ADPRS: variants seen among roughly 807,000 people sequenced by gnomAD.
ADPRS encodes the protein ADP-ribosylserine hydrolase, also known as ADP-ribosylhydrolase ARH3.
Under a neutral mutation model 32.1 loss-of-function variants are expected in ADPRS, and 25 were observed. The ratio of observed to expected loss-of-function variants is 0.78; its 90% CI spans 0.57 to 1.09. The LOEUF is 1.09. Among genes scored for constraint, ADPRS ranks in the 50% least tolerant of loss-of-function variants. ADPRS has a pLI of 0.00. For synonymous variants in ADPRS, 225 were observed against 201.0 expected, an observed-to-expected ratio of 1.12 and a Z score of -1.01; for missense variants, 482 against 480.6, an observed-to-expected ratio of 1.00 and a Z score of -0.03.
chr1:36,088,901 G>A lies in ADPRS; in HGVS notation c.-4G>A, dbSNP rs1643436496. ...ACCGGAAGTGGCGAGCAGTCTGCGCGCGGATGGCCGCAGCGGCGATGGCGG... is the reference window on the plus strand; with the variant it reads ...ACCGGAAGTGGCGAGCAGTCTGCGCACGGATGGCCGCAGCGGCGATGGCGG... On this transcript the variant is annotated 5_prime_UTR_variant, in exon 1 of 6. Coordinates refer to ENST00000373178, the MANE Select transcript of ADPRS (RefSeq NM_017825.3). 6.6e-7 allele frequency: 1 copy of A among 1,526,288 alleles called. No individual in the cohort carries two copies. The highest frequency in any genetic ancestry group is 8.8e-7 in the Non-Finnish European group (1 of 1,142,462). The allele number at this position is 1,526,288 out of a possible 1,614,324, so 94.5% of individuals were successfully genotyped here. A position where few individuals can be genotyped will look rare whatever the true frequency, so the allele number is the denominator to read the frequency against.
intron 2 of ADPRS, 112 bp downstream of exon 2, chr1:36,091,452 TG>T: frequency 2.4e-6 from 3 of 1,250,594 alleles, no homozygotes; most frequent in South Asian, 2.6e-5. Context: ...CACAGAAGCC[TG>T]TGTCAGGCTG....
Position 36,091,338 on chromosome 1 carries a change from C to G in ADPRS, c.306C>G (p.His102Gln). ...KEAFDEVDMA[H>Q]RFAQEYKKDP... ...CCTTTGACGAGGTGGACATGGCTCA[C>G]AGGTGAGGGGGATGGTCCTGGGCTG... The change falls in exon 2 of 6, where the codon CAC becomes CAG. Residue 102 changes from histidine (H) to glutamine (Q), a missense_variant and splice_region_variant. Transcript: ENST00000373178. The G allele has an allele frequency of 6.2e-7, 1 of 1,614,006 alleles. No homozygotes were observed. The highest frequency in any genetic ancestry group is 8.5e-7 in the Non-Finnish European group (1 of 1,179,932).
At position 36,091,755 on chromosome 1, in the gene ADPRS, A is replaced by G. The variant is rs760819723; in HGVS notation, c.446A>G (p.Tyr149Cys). The change falls in exon 3 of 6, where the codon TAT (tyrosine) becomes TGT (cysteine). Residue 149 changes from tyrosine (Y) to cysteine (C), a missense_variant. Tyr to Cys is a radical substitution (Grantham distance 194). Coordinates refer to ENST00000373178, the MANE Select transcript of ADPRS (RefSeq NM_017825.3). Reference sequence around the variant, plus strand: ...GCCCAGTTTAACGGGAAAGGCTCCTATGGCAATGGAGGTGCCATGCGGGTG... The same window carrying G: ...GCCCAGTTTAACGGGAAAGGCTCCTGTGGCAATGGAGGTGCCATGCGGGTG... ...ARAQFNGKGS[Y>C]GNGGAMRVAG... 15 of 1,613,214 alleles carry G rather than the reference A, an allele frequency of 9.3e-6. No homozygotes were observed. In the East Asian group the frequency reaches 2.9e-4, roughly 31 times the overall value.
Position 36,089,120 on chromosome 1 carries a change from G to T in ADPRS, c.211+5G>T. 7.1e-7 allele frequency: 1 copy of T among 1,408,924 alleles called. No individual in the cohort carries two copies. Among genetic ancestry groups the T allele is most frequent in the East Asian group, 2.9e-5 (1 of 34,158 alleles). 87.3% of individuals were successfully genotyped at this position (1,408,924 alleles called of 1,614,324 possible). ...CGCCCGGGAGTGAGCGGACAGGTGG[G>T]CGGGGCCGGGCGCAAGTCAGAGGCC... On this transcript the variant is annotated splice_donor_5th_base_variant and intron_variant, in intron 1 of 5. Transcript: ENST00000373178.
chr1:36,091,732 C>G lies in ADPRS; in HGVS notation c.423C>G (p.Ala141=), dbSNP rs374761609. The change falls in exon 3 of 6, where the codon GCC becomes GCG. Residue 141 remains alanine (A), a synonymous_variant. Coordinates refer to ENST00000373178, the MANE Select transcript of ADPRS (RefSeq NM_017825.3). The part of the protein sequence containing the change: ...KCRDVFEPAR[A]QFNGKGSYGN... The stretch of plus-strand genomic sequence containing the variant: ...GCGATGTCTTTGAGCCTGCCCGGGC[C>G]CAGTTTAACGGGAAAGGCTCCTATG... 8 of 1,613,616 alleles carry G rather than the reference C, an allele frequency of 5.0e-6. No homozygotes were observed. Among genetic ancestry groups the G allele is most frequent in the Non-Finnish European group, 6.8e-6 (8 of 1,179,860 alleles).
intron 5 of ADPRS, among the ~76,000 whole-genome samples, 165 bp downstream of exon 5, chr1:36,092,687 A>G (rs1474358602): frequency 6.6e-6 from 1 of 152,246 alleles, no homozygotes; most frequent in African/African-American, 2.4e-5. Context: ...CTGAAGCTAC[A>G]GCACCCTCAG....
Position 36,091,793 on chromosome 1 carries a change from C to G in ADPRS, c.484C>G (p.Leu162Val). Residue 162 changes from leucine (L) to valine (V), a missense_variant, in exon 3 of 6, where the codon CTG becomes GTG. Leu to Val is a conservative substitution (Grantham distance 32). Transcript: ENST00000373178. ...GGAMRVAGIS[L>V]AYSSVQDVQK... Reference sequence around the variant, plus strand: ...TGCCATGCGGGTGGCTGGCATCTCCCTGGCCTATAGCAGTGTCCAGGATGT... The same window carrying G: ...TGCCATGCGGGTGGCTGGCATCTCCGTGGCCTATAGCAGTGTCCAGGATGT... 6.2e-7 allele frequency: 1 copy of G among 1,609,444 alleles called. No individual in the cohort carries two copies.
intron 1 of ADPRS, among the ~76,000 whole-genome samples, chr1:36,090,679 CAAAAAAAA>C (rs10625386): frequency 0.093 from 6,083 of 65,424 alleles, 397 homozygotes; most frequent in African/African-American, 0.29. Flanking sequence ...TCCATCTCTA[CAAAAAAAA>C]AAAAAAAAAA....
rs1643517610 is a variant in ADPRS, at chr1:36,093,656, T to C, written c.*270T>C. 4.4e-6 allele frequency: 2 copies of C among 454,304 alleles called. No individual in the cohort carries two copies. Among genetic ancestry groups the C allele is most frequent in the African/African-American group, 1.9e-5 (1 of 51,972 alleles). The allele number at this position is 454,304 out of a possible 1,614,324, so 28.1% of individuals were successfully genotyped here. ...TAGGACAGACAGACGCAGGCGGGTTTATTTTGGAGGGGTACTTGTGGCATT... is the reference window on the plus strand; with the variant it reads ...TAGGACAGACAGACGCAGGCGGGTTCATTTTGGAGGGGTACTTGTGGCATT... On this transcript the variant is annotated 3_prime_UTR_variant, in exon 6 of 6. Coordinates refer to ENST00000373178, the MANE Select transcript of ADPRS (RefSeq NM_017825.3).
At chr1:36,090,000 G>C (rs1426057630) in intron 1 of ADPRS, among the ~76,000 whole-genome samples, 1 of 152,078 alleles carries the variant, frequency 6.6e-6, no homozygotes, top group Non-Finnish European at 1.5e-5. Context: ...GTAATTAAGA[G>C]GGAGGGAGGG....
chr1:36,091,154 G>A, intron 1 of ADPRS, 90 bp from the exon 2 acceptor site: 4 of 1,025,400 alleles, frequency 3.9e-6, no homozygotes, highest in South Asian at 1.4e-5. Flanking sequence ...GGGCAACAGA[G>A]CGAGACTCTG....
Position 36,091,349 on chromosome 1 carries a change from G to A in ADPRS, c.308+9G>A. The A allele has an allele frequency of 6.2e-7, 1 of 1,613,730 alleles. No individual in the cohort carries two copies. The highest frequency in any genetic ancestry group is 1.3e-5 in the African/African-American group (1 of 75,030). ...GTGGACATGGCTCACAGGTGAGGGG[G>A]ATGGTCCTGGGCTGAGGCAAACCAG... On this transcript the variant is annotated intron_variant, in intron 2 of 5. Coordinates refer to ENST00000373178, the MANE Select transcript of ADPRS (RefSeq NM_017825.3).
chr1:36,089,109 C>G lies in ADPRS; in HGVS notation c.205C>G (p.Arg69Gly). ...GGACCCCGGCACGCCCGGGAGTGAG[C>G]GGACAGGTGGGCGGGGCCGGGCGCA... ...EPDPGTPGSE[R>G]TEALYYTDDT... is the part of the protein sequence containing the mutation. The change falls in exon 1 of 6, where the codon CGG becomes GGG. Residue 69 changes from arginine (R) to glycine (G), a missense_variant. By Grantham distance (125) the Arg-to-Gly change is moderately radical. Transcript: ENST00000373178. 7.1e-7 allele frequency: 1 copy of G among 1,417,278 alleles called. No individual in the cohort carries two copies. The highest frequency in any genetic ancestry group is 9.2e-7 in the Non-Finnish European group (1 of 1,087,086). 87.8% of individuals were successfully genotyped at this position (1,417,278 alleles called of 1,614,324 possible).
chr1:36,092,976 G>T (rs1233871910), intron 5 of ADPRS, 121 bp from the exon 6 acceptor site: 1 of 1,024,666 alleles, frequency 9.8e-7, no homozygotes, highest in African/African-American at 1.6e-5. Flanking sequence ...GAGCCCAGGT[G>T]GTCTAACTGT....
chr1:36,091,213 G>C, intron 1 of ADPRS, 31 bp from the exon 2 acceptor site: 1 of 1,586,864 alleles, frequency 6.3e-7, no homozygotes. Flanking sequence ...AGGTGAGCAG[G>C]AGGCTCTCAT....
chr1:36,091,611 TC>T lies in ADPRS; in HGVS notation c.309-4del. The T allele has an allele frequency of 6.3e-7, 1 of 1,578,744 alleles. No individual in the cohort carries two copies. The highest frequency in any genetic ancestry group is 8.6e-7 in the Non-Finnish European group (1 of 1,160,340). ...ATCTGAATTCTGTCTCCCCTTCTGT[TC>T]CCTAGATTTGCTCAGGAGTACAAGA... is the stretch of plus-strand genomic sequence containing the variant. On this transcript the variant is annotated splice_polypyrimidine_tract_variant and splice_region_variant and intron_variant, in intron 2 of 5. Coordinates refer to ENST00000373178, the MANE Select transcript of ADPRS (RefSeq NM_017825.3).
rs1272671645 is a variant in ADPRS, at chr1:36,093,883, A to C, written c.*497A>C. On this transcript the variant is annotated 3_prime_UTR_variant, in exon 6 of 6. Transcript: ENST00000373178. ...CTGGCTCTTGGCTGCCATGTGGCTT[A>C]TTAACAGCTTCCAGTGGAAGTCGCA... The C allele has an allele frequency of 6.2e-6, 1 of 160,322 alleles. No homozygotes were observed. The highest frequency in any genetic ancestry group is 2.4e-5 in the African/African-American group (1 of 41,606). The allele number at this position is 160,322 out of a possible 1,614,324, so 9.9% of individuals were successfully genotyped here.
Position 36,092,440 on chromosome 1 carries a change from T to C in ADPRS, c.720T>C (p.Arg240=), listed in dbSNP as rs2124056613. 6.2e-7 allele frequency: 1 copy of C among 1,614,102 alleles called. No individual in the cohort carries two copies. Among genetic ancestry groups the C allele is most frequent in the South Asian group, 1.1e-5 (1 of 91,080 alleles). The change falls in exon 5 of 6, where the codon CGT becomes CGC. Residue 240 remains arginine, a synonymous_variant. Coordinates refer to ENST00000373178, the MANE Select transcript of ADPRS (RefSeq NM_017825.3). Reference sequence around the variant, plus strand: ...ACCACAGGTTGGGCATGGAGGAGCGTCCATACTCCAGCCGCCTGAAGAAGA... The same window carrying C: ...ACCACAGGTTGGGCATGGAGGAGCGCCCATACTCCAGCCGCCTGAAGAAGA... ...LDARELGMEE[R]PYSSRLKKIG... is the part of the protein sequence containing the mutation.
rs1003948792 is a variant in ADPRS at position 36,089,640 on chromosome 1, C to A, written c.211+525C>A. 7.9e-5 allele frequency among the ~76,000 whole-genome samples: 12 copies of A among 151,972 alleles called. No individual in the cohort carries two copies. In the Middle Eastern group the frequency reaches 0.01, roughly 129 times the overall value. Reference sequence around the variant, plus strand: ...CAAGGCGTGCTTTGGAAGCCTGACTCTAATCGCGTCCTCCCCTGCCTAAAA... The same window carrying A: ...CAAGGCGTGCTTTGGAAGCCTGACTATAATCGCGTCCTCCCCTGCCTAAAA... On this transcript the variant is annotated intron_variant, in intron 1 of 5. Coordinates refer to ENST00000373178, the MANE Select transcript of ADPRS (RefSeq NM_017825.3).
Sources: gnomAD v4.1 joint callset for allele counts (sites outside exome capture counted in the v4.1 genomes callset) on GRCh38, gnomAD v4.1.1 for gene constraint, MANE v1.5 for transcripts, NCBI Gene and HGNC (gene_info 2026-07-23, HGNC 2026-07-21) for gene names.